Variants in SEC14L5 observed in about 807,000 individuals in gnomAD.
The protein encoded by SEC14L5 is SEC14-like protein 5.
SEC14L5 carries 96 observed loss-of-function variants against 84.6 expected under a neutral mutation model. That is an observed-to-expected ratio of 1.13 (90% CI 0.96 to 1.34). The LOEUF (loss-of-function observed/expected upper bound fraction) is 1.34, where lower values mean the gene tolerates loss of function less well. Ranked by LOEUF, SEC14L5 falls within the 40% of genes most tolerant of loss-of-function variation. The probability of loss-of-function intolerance (pLI) is 0.00; values close to 1 mark genes in which losing one functional copy is unlikely to be tolerated. For missense variants in SEC14L5, 1,224 were observed against 942.5 expected, an observed-to-expected ratio of 1.30 and a Z score of -3.91; for synonymous variants, 546 against 383.4, an observed-to-expected ratio of 1.42 and a Z score of -4.95.
At chr16:5,014,610 C>A (rs1397989954) in intron 15 of SEC14L5, among the ~76,000 whole-genome samples, 1 of 152,212 alleles carries the variant, frequency 6.6e-6, no homozygotes. Context: ...GGCCTTAGGG[C>A]CATGCAAGGG....
intron 2 of SEC14L5, among the ~76,000 whole-genome samples, chr16:4,962,661 C>A (rs903327561): frequency 7.8e-6 from 1 of 128,016 alleles, no homozygotes; most frequent in Non-Finnish European, 1.6e-5. Flanking sequence ...GCACTCCAGC[C>A]TGGGGGAAGA....
chr16:5,000,593 G>GC, intron 8 of SEC14L5, 62 bp from the exon 9 acceptor site: 1 of 1,292,636 alleles, frequency 7.7e-7, no homozygotes, highest in Non-Finnish European at 1.1e-6. Flanking sequence ...GCTGTGACCT[G>GC]CCCCTCGGAA....
Position 4,996,950 on chromosome 16 carries a change from C to G in SEC14L5, c.876C>G (p.Arg292=). 6.2e-7 allele frequency: 1 copy of G among 1,613,666 alleles called. No homozygotes were observed. Among genetic ancestry groups the G allele is most frequent in the South Asian group, 1.1e-5 (1 of 91,032 alleles). ...REMLRQSLSW[R]KQHQVDLLLQ... ...TGCTGCGCCAGTCCTTGAGCTGGCGCAAGCAGCACCAGGTGGATCTCCTCC... is the reference window on the plus strand; with the variant it reads ...TGCTGCGCCAGTCCTTGAGCTGGCGGAAGCAGCACCAGGTGGATCTCCTCC... The change falls in exon 8 of 16, where the codon CGC becomes CGG. Residue 292 remains arginine (R), a synonymous_variant. Coordinates refer to ENST00000251170, the MANE Select transcript of SEC14L5 (RefSeq NM_014692.2).
chr16:5,001,205 G>A (rs938613057), intron 10 of SEC14L5, among the ~76,000 whole-genome samples: 5 of 151,208 alleles, frequency 3.3e-5, no homozygotes, highest in African/African-American at 9.7e-5. Context: ...CTTCTAGCTC[G>A]AAGACTTTAT....
chr16:5,003,605 C>CGG, intron 11 of SEC14L5, 32 bp downstream of exon 11: 1 of 217,334 alleles, frequency 4.6e-6, no homozygotes, highest in Non-Finnish European at 8.9e-6. Context: ...AGGACTCTCC[C>CGG]TGGGGGTGGG....
intron 14 of SEC14L5, among the ~76,000 whole-genome samples, chr16:5,010,448 C>G (rs1457656096): frequency 1.3e-5 from 2 of 152,162 alleles, no homozygotes; most frequent in East Asian, 1.9e-4. Context: ...TCCCCACATT[C>G]TCCAGGAGGC....
chr16:4,966,870 C>A (rs1955206464), intron 2 of SEC14L5, among the ~76,000 whole-genome samples: 1 of 152,196 alleles, frequency 6.6e-6, no homozygotes. Flanking sequence ...ATGCCTTTAC[C>A]CCTTCGGGAC....
intron 2 of SEC14L5, among the ~76,000 whole-genome samples, chr16:4,970,117 G>C (rs1955257351): frequency 6.6e-6 from 1 of 152,146 alleles, no homozygotes; most frequent in Non-Finnish European, 1.5e-5. Flanking sequence ...TGGCCCATCT[G>C]GTTCTTTTGA....
rs1176602699 is a variant in SEC14L5 at position 5,015,740 on chromosome 16, GCAGTAT to G, written c.*773_*778del. The G allele has an allele frequency of 6.6e-6, 1 of 152,378 alleles. No individual in the cohort carries two copies. The highest frequency in any genetic ancestry group is 1.5e-5 in the Non-Finnish European group (1 of 68,134). 9.4% of individuals were successfully genotyped at this position (152,378 alleles called of 1,614,324 possible). On this transcript the variant is annotated 3_prime_UTR_variant, in exon 16 of 16. Transcript: ENST00000251170. ...ATCTGATTGCATAACGTTCTGTTAT[GCAGTAT>G]CAAGATGTGCTTGGTGAGCAGTTAA...
rs1348018652 is a variant in SEC14L5 at position 4,996,934 on chromosome 16, A to T, written c.860A>T (p.Gln287Leu). 6.2e-7 allele frequency: 1 copy of T among 1,613,582 alleles called. No homozygotes were observed. Among genetic ancestry groups the T allele is most frequent in the Non-Finnish European group, 8.5e-7 (1 of 1,179,762 alleles). ...HLDKAREMLR[Q>L]SLSWRKQHQV... The stretch of plus-strand genomic sequence containing the variant: ...GACAAGGCCCGGGAAATGCTGCGCC[A>T]GTCCTTGAGCTGGCGCAAGCAGCAC... The change falls in exon 8 of 16, where the codon CAG becomes CTG. Residue 287 changes from glutamine (Q) to leucine (L), a missense_variant. By Grantham distance (113) the Gln-to-Leu change is moderately radical. Transcript: ENST00000251170.
intron 14 of SEC14L5, 115 bp downstream of exon 14, chr16:5,008,763 GGGACCCTGCA>G (rs1261734074): frequency 5.5e-6 from 5 of 912,614 alleles, no homozygotes; most frequent in Non-Finnish European, 8.5e-6. Flanking sequence ...CCCAGCCTCA[GGGACCCTGCA>G]GGACAGGGCA....
intron 2 of SEC14L5, among the ~76,000 whole-genome samples, chr16:4,963,530 G>T (rs1432666203): frequency 6.6e-6 from 1 of 152,196 alleles, no homozygotes; most frequent in Non-Finnish European, 1.5e-5. Flanking sequence ...ATTTTTAGTA[G>T]AGACGGGGTT....
Position 4,960,319 on chromosome 16 carries a change from G to A in SEC14L5, c.63+933G>A, listed in dbSNP as rs77860750. On this transcript the variant is annotated intron_variant, in intron 2 of 15. Coordinates refer to ENST00000251170, the MANE Select transcript of SEC14L5 (RefSeq NM_014692.2). ...GTAGGAGCTCACAAAATATGCTGTC[G>A]CTGTTATTACACCGAAGTCTTGTAA... is the stretch of plus-strand genomic sequence containing the variant. 3.1e-3 allele frequency among the ~76,000 whole-genome samples: 468 copies of A among 152,244 alleles called. 1 individual carries two copies. The highest frequency in any genetic ancestry group is 0.011 in the African/African-American group (439 of 41,542).
In SEC14L5 at chr16:5,010,946, A is replaced by T. The variant is rs1051723137; in HGVS notation, c.1801-149A>T. ...AAGGATGGCTTCCAGAGGCCCTGAC[A>T]GGAGGAGTTGCTGGTGGACTGGAGA... is the stretch of plus-strand genomic sequence containing the variant. On this transcript the variant is annotated intron_variant, in intron 14 of 15. Coordinates refer to ENST00000251170, the MANE Select transcript of SEC14L5 (RefSeq NM_014692.2). 1.1e-4 allele frequency: 76 copies of T among 689,570 alleles called. 1 individual carries two copies. The Middle Eastern group carries it at 2.1e-3, about 19-fold the overall frequency. The allele number at this position is 689,570 out of a possible 1,614,324, so 42.7% of individuals were successfully genotyped here.
chr16:4,992,274 G>A (rs909609094), intron 6 of SEC14L5, among the ~76,000 whole-genome samples: 2 of 151,942 alleles, frequency 1.3e-5, no homozygotes, highest in East Asian at 1.9e-4. Context: ...TTTTTGAGAC[G>A]GAGTCCCCCT....
At chr16:4,968,888 G>A (rs1012491996) in intron 2 of SEC14L5, among the ~76,000 whole-genome samples, 7 of 152,232 alleles carry the variant, frequency 4.6e-5, no homozygotes, top group African/African-American at 1.7e-4. Context: ...TAAAGACCTG[G>A]CCTTGTTGTA....
intron 2 of SEC14L5, among the ~76,000 whole-genome samples, chr16:4,975,547 C>T (rs930200983): frequency 6.7e-5 from 10 of 148,876 alleles, no homozygotes; most frequent in African/African-American, 2.2e-4. Context: ...GTATATATAC[C>T]ACGTTTCTAA....
At chr16:4,963,912 C>A (rs906981204) in intron 2 of SEC14L5, among the ~76,000 whole-genome samples, 1 of 152,162 alleles carries the variant, frequency 6.6e-6, no homozygotes, top group Non-Finnish European at 1.5e-5. Context: ...GTCTTGAACT[C>A]CTGGGCTCAA....
chr16:5,012,862 T>C (rs980429562), intron 15 of SEC14L5, among the ~76,000 whole-genome samples: 1 of 151,488 alleles, frequency 6.6e-6, no homozygotes, highest in Non-Finnish European at 1.5e-5. Flanking sequence ...GCCACTGCAC[T>C]TCAGCCTTGG....
Sources: gnomAD v4.1 joint callset for allele counts (sites outside exome capture counted in the v4.1 genomes callset) on GRCh38, gnomAD v4.1.1 for gene constraint, MANE v1.5 for transcripts, NCBI Gene and HGNC (gene_info 2026-07-23, HGNC 2026-07-21) for gene names.